Variants in DAPP1 observed in about 807,000 individuals in gnomAD.
DAPP1 encodes the protein dual adaptor of phosphotyrosine and 3-phosphoinositides 1.
DAPP1 carries 20 observed loss-of-function variants against 41.5 expected under a neutral mutation model. The ratio of observed to expected loss-of-function variants is 0.48; its 90% CI spans 0.34 to 0.70. The LOEUF is 0.70. DAPP1 is among the 30% of genes least tolerant of loss of function. The pLI is 0.01. For synonymous variants in DAPP1, 113 were observed against 116.2 expected, an observed-to-expected ratio of 0.97 and a Z score of 0.18; for missense variants, 233 against 333.4, an observed-to-expected ratio of 0.70 and a Z score of 2.35.
chr4:99,819,032 G>C (rs1722682986), intron 1 of DAPP1, among the ~76,000 whole-genome samples: 1 of 152,182 alleles, frequency 6.6e-6, no homozygotes, highest in Non-Finnish European at 1.5e-5. Context: ...TCTGTTGGGT[G>C]TGTACTTGAA....
chr4:99,831,328 G>C (rs1017928265), intron 1 of DAPP1, among the ~76,000 whole-genome samples: 1 of 152,090 alleles, frequency 6.6e-6, no homozygotes. Context: ...ACAATTCTTG[G>C]TTCTTCAAGA....
intron 3 of DAPP1, among the ~76,000 whole-genome samples, chr4:99,845,776 G>A (rs566755395): frequency 6.6e-6 from 1 of 152,162 alleles, no homozygotes; most frequent in Admixed American, 6.5e-5. Context: ...AGGCTGAAAA[G>A]AAAACATCCC....
intron 1 of DAPP1, among the ~76,000 whole-genome samples, chr4:99,819,469 A>C (rs1000178676): frequency 1.8e-4 from 27 of 152,174 alleles, no homozygotes; most frequent in Non-Finnish European, 2.9e-5. Flanking sequence ...TCACTGATAC[A>C]TTTTTTATAG....
chr4:99,854,640 A>G (rs1393844658), intron 4 of DAPP1, among the ~76,000 whole-genome samples: 1 of 151,586 alleles, frequency 6.6e-6, no homozygotes, highest in Non-Finnish European at 1.5e-5. Context: ...ACACTGTGAA[A>G]CCTGTCTCTC....
chr4:99,849,053 C>G (rs1723766858), intron 3 of DAPP1, among the ~76,000 whole-genome samples: 1 of 152,178 alleles, frequency 6.6e-6, no homozygotes, highest in Non-Finnish European at 1.5e-5. Context: ...AGATTTTTAT[C>G]AGTATAAGTT....
At chr4:99,819,096 C>T (rs1211206439) in intron 1 of DAPP1, among the ~76,000 whole-genome samples, 4 of 152,212 alleles carry the variant, frequency 2.6e-5, no homozygotes, top group Non-Finnish European at 5.9e-5. Context: ...AGGGGCATTT[C>T]GATTAGCAAC....
intron 1 of DAPP1, among the ~76,000 whole-genome samples, chr4:99,818,704 C>T (rs1160855656): frequency 6.6e-6 from 1 of 151,938 alleles, no homozygotes; most frequent in Non-Finnish European, 1.5e-5. Flanking sequence ...AAAAAGGGTA[C>T]ATTCATGGCC....
chr4:99,823,386 A>T (rs1266637081), intron 1 of DAPP1, among the ~76,000 whole-genome samples: 1 of 152,184 alleles, frequency 6.6e-6, no homozygotes, highest in Non-Finnish European at 1.5e-5. Flanking sequence ...AAAGAAAAGC[A>T]CTAAAATGTC....
chr4:99,871,915 A>G (rs1044564635), downstream of DAPP1, among the ~76,000 whole-genome samples: 1 of 152,240 alleles, frequency 6.6e-6, no homozygotes, highest in Non-Finnish European at 1.5e-5. Flanking sequence ...GCTGTGAACA[A>G]AGATGGCACC....
At chr4:99,852,895 G>A (rs942586069) in intron 3 of DAPP1, among the ~76,000 whole-genome samples, 5 of 152,030 alleles carry the variant, frequency 3.3e-5, no homozygotes, top group Admixed American at 1.3e-4. Context: ...TCATGGAAAG[G>A]TTCTTCAAGC....
downstream of DAPP1, among the ~76,000 whole-genome samples, chr4:99,870,932 CT>C (rs1008038401): frequency 3.3e-5 from 5 of 152,106 alleles, no homozygotes; most frequent in African/African-American, 1.2e-4. Flanking sequence ...GCATTTTCTC[CT>C]TATGATATCT....
chr4:99,829,274 G>T (rs1723040960), intron 1 of DAPP1, among the ~76,000 whole-genome samples: 1 of 152,108 alleles, frequency 6.6e-6, no homozygotes, highest in African/African-American at 2.4e-5. Context: ...GAGGTCAGGA[G>T]TTTGAGACCA....
intron 5 of DAPP1, 122 bp from the exon 6 acceptor site, chr4:99,862,888 T>C: frequency 2.9e-6 from 2 of 682,370 alleles, no homozygotes; most frequent in Non-Finnish European, 4.6e-6. Flanking sequence ...TTTTTCAGGG[T>C]TATAGTATTT....
chr4:99,830,297 T>C (rs1723078816), intron 1 of DAPP1, among the ~76,000 whole-genome samples: 1 of 151,942 alleles, frequency 6.6e-6, no homozygotes, highest in South Asian at 2.1e-4. Flanking sequence ...GCACGAGAAT[T>C]GCGTGAACCC....
At position 99,868,108 on chromosome 4, in the gene DAPP1, T is replaced by A. The variant is rs1354870957; in HGVS notation, c.775-9T>A. On this transcript the variant is annotated splice_polypyrimidine_tract_variant and intron_variant, in intron 8 of 8. Coordinates refer to ENST00000512369, the MANE Select transcript of DAPP1 (RefSeq NM_014395.3). ...AATAATGGATACACGTGTGTGTACT[T>A]TATTACAGTCACAAATAAGAAAACA... is the stretch of plus-strand genomic sequence containing the variant. 5.6e-6 allele frequency: 9 copies of A among 1,612,946 alleles called. No individual in the cohort carries two copies. The East Asian group carries it at 2.0e-4, about 36-fold the overall frequency.
chr4:99,856,848 A>G (rs1483792621), intron 4 of DAPP1, among the ~76,000 whole-genome samples: 1 of 152,242 alleles, frequency 6.6e-6, no homozygotes, highest in Non-Finnish European at 1.5e-5. Context: ...CAATATTGAA[A>G]GGGCCAGGTG....
chr4:99,845,614 A>G (rs1167436324), intron 3 of DAPP1, among the ~76,000 whole-genome samples: 2 of 152,244 alleles, frequency 1.3e-5, no homozygotes, highest in African/African-American at 4.8e-5. Context: ...TTTAAAGTCT[A>G]CAATAACATG....
chr4:99,842,725 T>G (rs995239419), intron 3 of DAPP1, among the ~76,000 whole-genome samples: 2 of 152,264 alleles, frequency 1.3e-5, no homozygotes, highest in Admixed American at 1.3e-4. Flanking sequence ...ACATGCCACC[T>G]TCTAAAAATA....
intron 4 of DAPP1, among the ~76,000 whole-genome samples, chr4:99,856,719 G>A (rs1724056163): frequency 6.6e-6 from 1 of 152,166 alleles, no homozygotes; most frequent in Non-Finnish European, 1.5e-5. Flanking sequence ...GTATGCTGAT[G>A]GATGACACAA....
Sources: gnomAD v4.1 joint callset for allele counts (sites outside exome capture counted in the v4.1 genomes callset) on GRCh38, gnomAD v4.1.1 for gene constraint, MANE v1.5 for transcripts, NCBI Gene and HGNC (gene_info 2026-07-23, HGNC 2026-07-21) for gene names.